Variants in SOX5 observed in about 807,000 individuals in gnomAD.
SOX5 encodes the protein SRY-box transcription factor 5, also known as transcription factor SOX-5.
A neutral mutation model predicts 92.0 loss-of-function variants in SOX5; 9 were observed. The observed-to-expected ratio is 0.10, with a 90% CI of 0.06 to 0.17. The LOEUF is 0.17. Among genes scored for constraint, SOX5 ranks in the 10% least tolerant of loss-of-function variants. The pLI, the probability that SOX5 is intolerant of heterozygous loss-of-function variation, is 1.00. For synonymous variants in SOX5, 344 were observed against 336.3 expected, an observed-to-expected ratio of 1.02 and a Z score of -0.25; for missense variants, 642 against 944.5, an observed-to-expected ratio of 0.68 and a Z score of 4.20.
At chr12:23,801,386 C>T (rs1381446681) in intron 3 of SOX5, among the ~76,000 whole-genome samples, 1 of 151,980 alleles carries the variant, frequency 6.6e-6, no homozygotes, top group Admixed American at 6.6e-5. Flanking sequence ...TTTAAACCTG[C>T]AGTTTTTTAA....
In SOX5 at chr12:24,068,961, T is replaced by TAGC. The variant is rs1328379992; in HGVS notation, c.-2+144379_-2+144381dup. ...TTTTATATAGTCCAAGGAGTTAGCA[T>TAGC]AGCCCCCAGAAACTTAGCAGGAATT... On this transcript the variant is annotated intron_variant, in intron 4 of 4. Coordinates refer to the SOX5 transcript ENST00000446891. Among the ~76,000 whole-genome samples the TAGC allele has an allele frequency of 1.7e-4, 26 of 149,630 alleles. No homozygotes were observed. The East Asian group carries it at 3.7e-3, about 22-fold the overall frequency.
chr12:23,570,833 C>A (rs1191042677), intron 10 of SOX5, among the ~76,000 whole-genome samples: 5 of 146,362 alleles, frequency 3.4e-5, no homozygotes, highest in Non-Finnish European at 6.0e-5. Context: ...ATGGCGTGAA[C>A]CCAGGAGGCG....
At chr12:24,308,864 T>C (rs994763766) in intron 2 of SOX5, among the ~76,000 whole-genome samples, 2 of 151,982 alleles carry the variant, frequency 1.3e-5, no homozygotes, top group African/African-American at 4.8e-5. Flanking sequence ...TGACAGAAAC[T>C]CACAAACACA....
At chr12:24,090,643 T>C (rs1944531851) in intron 4 of SOX5, among the ~76,000 whole-genome samples, 1 of 152,238 alleles carries the variant, frequency 6.6e-6, no homozygotes. Context: ...CATATTTTAC[T>C]ATACCAATAG....
intron 2 of SOX5, among the ~76,000 whole-genome samples, chr12:24,336,681 A>G (rs757437955): frequency 6.6e-6 from 1 of 152,188 alleles, no homozygotes; most frequent in Non-Finnish European, 1.5e-5. Context: ...CTACCTAAAT[A>G]TAGTGTGCTA....
intron 4 of SOX5, among the ~76,000 whole-genome samples, chr12:24,191,787 G>A (rs1190516406): frequency 6.6e-6 from 1 of 152,124 alleles, no homozygotes; most frequent in African/African-American, 2.4e-5. Flanking sequence ...TGTTTAGCCT[G>A]TGTGTCCTAG....
rs541719468 is a variant in SOX5, at chr12:23,576,175, T to C, written c.1165-337A>G. 1.2e-4 allele frequency among the ~76,000 whole-genome samples: 18 copies of C among 149,568 alleles called. No individual in the cohort carries two copies. In the East Asian group the frequency reaches 3.4e-3, roughly 28 times the overall value. ...GAGATATTACACATTAAATCTGAAA[T>C]ATGATGTAGGTAGGTTTTTTTTTTA... On this transcript the variant is annotated intron_variant, in intron 9 of 14. Coordinates refer to ENST00000451604, the MANE Select transcript of SOX5 (RefSeq NM_006940.6).
intron 6 of SOX5, among the ~76,000 whole-genome samples, chr12:23,690,224 A>G (rs1268831335): frequency 6.6e-6 from 1 of 152,202 alleles, no homozygotes; most frequent in Non-Finnish European, 1.5e-5. Flanking sequence ...TTAAATTATA[A>G]TTAAAAGATC....
intron 2 of SOX5, among the ~76,000 whole-genome samples, chr12:24,324,570 AC>A (rs1404745629): frequency 6.6e-6 from 1 of 152,020 alleles, no homozygotes; most frequent in Non-Finnish European, 1.5e-5. Flanking sequence ...GTTTTAAAAT[AC>A]TTATTTAAAA....
chr12:23,569,826 CAT>C (rs757876356), intron 10 of SOX5, among the ~76,000 whole-genome samples: 23 of 152,236 alleles, frequency 1.5e-4, no homozygotes, highest in Admixed American at 6.5e-4. Flanking sequence ...ACTTCCCACA[CAT>C]GTGTTCCTTC....
chr12:24,376,989 G>T (rs2136319729), intron 1 of SOX5, among the ~76,000 whole-genome samples: 1 of 152,000 alleles, frequency 6.6e-6, no homozygotes, highest in East Asian at 1.9e-4. Context: ...GGGATTACAG[G>T]CATAATCTCG....
chr12:24,530,649 A>G (rs530196096), intron 1 of SOX5, among the ~76,000 whole-genome samples: 2 of 147,118 alleles, frequency 1.4e-5, no homozygotes, highest in South Asian at 2.2e-4. Flanking sequence ...TGAGACTCTG[A>G]AAAAAAAAAA....
intron 14 of SOX5, among the ~76,000 whole-genome samples, chr12:23,534,786 T>G (rs1939917953): frequency 6.7e-6 from 1 of 149,996 alleles, no homozygotes; most frequent in Non-Finnish European, 1.5e-5. Context: ...CTTGCCTCAC[T>G]GCAACCTCCC....
intron 2 of SOX5, among the ~76,000 whole-genome samples, chr12:23,871,355 A>AT (rs1288554251): frequency 6.6e-6 from 1 of 152,230 alleles, no homozygotes; most frequent in Non-Finnish European, 1.5e-5. Flanking sequence ...GTAGATGAAC[A>AT]TGAAGATCAG....
intron 1 of SOX5, among the ~76,000 whole-genome samples, chr12:24,516,905 T>C (rs1487929685): frequency 6.6e-6 from 1 of 152,240 alleles, no homozygotes; most frequent in Non-Finnish European, 1.5e-5. Context: ...TATTCCTTTG[T>C]ATCCTTAAAG....
intron 2 of SOX5, among the ~76,000 whole-genome samples, chr12:24,331,848 CAAAAAAAAAAAAA>C (rs10627494): frequency 1.9e-4 from 6 of 31,658 alleles, no homozygotes; most frequent in South Asian, 2.2e-3. Context: ...AAGACTGTCT[CAAAAAAAAAAAAA>C]AAAAAAAAAA....
At chr12:24,244,522 C>T (rs1463026613) in intron 3 of SOX5, among the ~76,000 whole-genome samples, 1 of 152,200 alleles carries the variant, frequency 6.6e-6, no homozygotes, top group Non-Finnish European at 1.5e-5. Flanking sequence ...CACTTGGGTG[C>T]TAGCACAGGC....
rs189398970 is a variant in SOX5 at position 24,511,685 on chromosome 12, G to A, written c.-251+50644C>T. On this transcript the variant is annotated intron_variant, in intron 1 of 4. Transcript: ENST00000446891. Reference sequence around the variant, plus strand: ...TTTTTTAAAGTTTTTGCGGCCGGGCGCAGTGGCTCACGTCTGTAATCCCAG... The same window carrying A: ...TTTTTTAAAGTTTTTGCGGCCGGGCACAGTGGCTCACGTCTGTAATCCCAG... Among the ~76,000 whole-genome samples the A allele has an allele frequency of 5.3e-5, 8 of 152,106 alleles. No homozygotes were observed. The East Asian group carries it at 1.2e-3, about 22-fold the overall frequency.
At chr12:24,473,420 C>G (rs914086299) in intron 1 of SOX5, among the ~76,000 whole-genome samples, 2 of 152,212 alleles carry the variant, frequency 1.3e-5, no homozygotes, top group Admixed American at 6.5e-5. Context: ...GAAGCCAGCT[C>G]TCATGCCACT....
Sources: allele counts gnomAD v4.1 joint callset (sites outside exome capture counted in the v4.1 genomes callset), GRCh38; gene constraint gnomAD v4.1.1; transcripts MANE v1.5; gene names NCBI Gene and HGNC (gene_info 2026-07-23, HGNC 2026-07-21).